The following TNKS variants were observed in gnomAD, a reference collection of about 807,000 sequenced individuals.
The protein encoded by TNKS is poly [ADP-ribose] polymerase tankyrase-1.
In TNKS, 72 loss-of-function variants were observed where a neutral mutation model predicts 135.8. The ratio of observed to expected loss-of-function variants is 0.53; its 90% CI spans 0.44 to 0.64. The LOEUF is 0.64. Among genes scored for constraint, TNKS ranks in the 30% least tolerant of loss-of-function variants. The pLI, the probability that TNKS is intolerant of heterozygous loss-of-function variation, is 0.00. For synonymous variants in TNKS, 849 were observed against 649.3 expected (o/e 1.31, Z -4.68); for missense variants, 1,769 against 1,674.0 (o/e 1.06, Z -0.99).
chr8:9,662,385 C>T (rs1316818176), intron 3 of TNKS, among the ~76,000 whole-genome samples: 10 of 152,226 alleles, frequency 6.6e-5, no homozygotes, highest in African/African-American at 2.2e-4. Context: ...GAAAATGTGG[C>T]ACATATACAC....
intron 1 of TNKS, chr8:9,558,646 A>G (rs779929234): frequency 1.3e-5 from 2 of 152,192 alleles, no homozygotes; most frequent in Non-Finnish European, 2.9e-5. Context: ...TCTATTTGCC[A>G]CAATAGTTAC....
At chr8:9,772,831 CTGTGTGTGTGTGTGTGTG>C (rs71201974) in intron 26 of TNKS, among the ~76,000 whole-genome samples, 1 of 119,034 alleles carries the variant, frequency 8.4e-6, no homozygotes, top group African/African-American at 3.3e-5. Flanking sequence ...GTGTGTGTGT[CTGTGTGTGTGTGTGTGTG>C]TGTGTGTGTG....
intron 2 of TNKS, among the ~76,000 whole-genome samples, chr8:9,597,755 T>C (rs1585212114): frequency 1.3e-5 from 2 of 152,306 alleles, no homozygotes; most frequent in East Asian, 3.9e-4. Flanking sequence ...AGTTGCTGTT[T>C]CTGAAAATTG....
intron 3 of TNKS, among the ~76,000 whole-genome samples, chr8:9,657,727 C>T (rs1220324948): frequency 1.0e-3 from 89 of 87,944 alleles, no homozygotes; most frequent in East Asian, 2.0e-3. Flanking sequence ...TAGGGGCGGC[C>T]GGGCAGAGGC....
chr8:9,590,567 C>T (rs945184838), intron 2 of TNKS, among the ~76,000 whole-genome samples: 3 of 152,186 alleles, frequency 2.0e-5, no homozygotes, highest in Non-Finnish European at 4.4e-5. Context: ...TTACTTTGCA[C>T]CACATCCCTG....
rs137856609 is a variant in TNKS at position 9,579,671 on chromosome 8, G to A, written c.674-488G>A. On this transcript the variant is annotated intron_variant, in intron 1 of 26. Coordinates refer to ENST00000310430, the MANE Select transcript of TNKS (RefSeq NM_003747.3). ...TTTATTAGAGACGGGGTATCACCAT[G>A]TTGGCCAGGCTGGTCTTGAACTCCT... Among the ~76,000 whole-genome samples the A allele has an allele frequency of 3.7e-3, 570 of 152,218 alleles. 4 individuals are homozygous for A. The highest frequency in any genetic ancestry group is 0.012 in the African/African-American group (510 of 41,542).
At chr8:9,593,203 C>A (rs187293113) in intron 2 of TNKS, among the ~76,000 whole-genome samples, 2 of 152,212 alleles carry the variant, frequency 1.3e-5, no homozygotes, top group East Asian at 1.9e-4. Flanking sequence ...AAAGGGTTTT[C>A]CCTCGAGGCC....
chr8:9,593,899 T>C (rs747264662), intron 2 of TNKS, among the ~76,000 whole-genome samples: 1 of 151,674 alleles, frequency 6.6e-6, no homozygotes, highest in Non-Finnish European at 1.5e-5. Flanking sequence ...ATTATTATTA[T>C]TTTTTGAGAC....
In TNKS at chr8:9,641,353, G is replaced by T. The variant is rs537323522; in HGVS notation, c.994+25676G>T. ...TGTTCAGTATATAAGGATAAAAAAG[G>T]CCTGCTAGGAAATTTCAAACTGGGT... On this transcript the variant is annotated intron_variant, in intron 3 of 26. Coordinates refer to ENST00000310430, the MANE Select transcript of TNKS (RefSeq NM_003747.3). Among the ~76,000 whole-genome samples the T allele has an allele frequency of 1.1e-4, 16 of 144,060 alleles. 2 individuals carry two copies. In the South Asian group the frequency reaches 2.5e-3, roughly 22 times the overall value. 94.5% of individuals were successfully genotyped at this position (144,060 alleles called of 152,430 possible).
chr8:9,570,581 A>C (rs1475206258), intron 1 of TNKS, among the ~76,000 whole-genome samples: 2 of 152,138 alleles, frequency 1.3e-5, no homozygotes, highest in Non-Finnish European at 2.9e-5. Context: ...TCCCCCAGCA[A>C]CCTCTACCTG....
chr8:9,772,109 G>C (rs1807939943), intron 26 of TNKS, among the ~76,000 whole-genome samples: 1 of 148,842 alleles, frequency 6.7e-6, no homozygotes, highest in African/African-American at 2.5e-5. Flanking sequence ...AACAGGGAAG[G>C]ACGGGTGGAG....
At chr8:9,668,068 A>T (rs1487034721) in intron 3 of TNKS, among the ~76,000 whole-genome samples, 1 of 152,212 alleles carries the variant, frequency 6.6e-6, no homozygotes. Context: ...AGTAGACTGC[A>T]GGGCCCAGCT....
chr8:9,755,255 C>G (rs1004747315), intron 20 of TNKS, among the ~76,000 whole-genome samples: 1 of 152,188 alleles, frequency 6.6e-6, no homozygotes, highest in East Asian at 1.9e-4. Context: ...AGTTTAGTCT[C>G]CTAGTCACTC....
chr8:9,763,063 ATTTTTT>A (rs66959741), intron 21 of TNKS, 78 bp from the exon 22 acceptor site: 31 of 363,282 alleles, frequency 8.5e-5, no homozygotes, highest in Admixed American at 1.6e-4. Flanking sequence ...CTTATTATGA[ATTTTTT>A]TTTTTTTTTT....
intron 3 of TNKS, among the ~76,000 whole-genome samples, chr8:9,665,916 C>G (rs190904925): frequency 1.1e-3 from 164 of 152,312 alleles, no homozygotes; most frequent in African/African-American, 3.8e-3. Context: ...TTTCCCCTCC[C>G]TAACCTCATT....
intron 11 of TNKS, among the ~76,000 whole-genome samples, chr8:9,711,247 G>T (rs1804320296): frequency 6.6e-6 from 1 of 152,124 alleles, no homozygotes; most frequent in Non-Finnish European, 1.5e-5. Context: ...TGAATACAAA[G>T]ATGATGCCAG....
chr8:9,608,087 C>T (rs746973764), intron 2 of TNKS, among the ~76,000 whole-genome samples: 1 of 152,054 alleles, frequency 6.6e-6, no homozygotes, highest in African/African-American at 2.4e-5. Flanking sequence ...ACCACAGGTG[C>T]GTGCCATCAC....
Position 9,758,706 on chromosome 8 carries a change from C to G in TNKS, c.3154-2810C>G, listed in dbSNP as rs137898857. Among the ~76,000 whole-genome samples, 441 of 152,314 alleles carry G rather than the reference C, an allele frequency of 2.9e-3. 3 individuals carry two copies. The highest frequency in any genetic ancestry group is 0.01 in the African/African-American group (419 of 41,582). Reference sequence around the variant, plus strand: ...AAGGGCTGGGACCCGCTTTCAAGCTCTCTCACAGTGTTGGTTGACTGGCCT... The same window carrying G: ...AAGGGCTGGGACCCGCTTTCAAGCTGTCTCACAGTGTTGGTTGACTGGCCT... On this transcript the variant is annotated intron_variant, in intron 20 of 26. Coordinates refer to ENST00000310430, the MANE Select transcript of TNKS (RefSeq NM_003747.3).
At chr8:9,706,628 T>C (rs1349142345) in intron 7 of TNKS, among the ~76,000 whole-genome samples, 183 bp from the exon 8 acceptor site, 1 of 152,240 alleles carries the variant, frequency 6.6e-6, no homozygotes, top group African/African-American at 2.4e-5. Context: ...ATATTACCAT[T>C]GCCTTAAAAT....
Sources: gnomAD v4.1 joint callset for allele counts (sites outside exome capture counted in the v4.1 genomes callset) on GRCh38, gnomAD v4.1.1 for gene constraint, MANE v1.5 for transcripts, NCBI Gene and HGNC (gene_info 2026-07-23, HGNC 2026-07-21) for gene names.